The following DRG2 variants were observed in gnomAD, a reference collection of about 807,000 sequenced individuals.
DRG2 encodes developmentally regulated GTP binding protein 2.
Under a neutral mutation model 53.4 loss-of-function variants are expected in DRG2, and 36 were observed. The ratio of observed to expected loss-of-function variants is 0.67; its 90% CI spans 0.52 to 0.89. The LOEUF (loss-of-function observed/expected upper bound fraction) is 0.89. DRG2 is among the 40% of genes least tolerant of loss of function. The probability of loss-of-function intolerance (pLI) is 0.00; values close to 1 mark genes in which losing one functional copy is unlikely to be tolerated. For missense variants in DRG2, 342 were observed against 481.2 expected (o/e 0.71, Z 2.71); for synonymous variants, 167 against 192.1 (o/e 0.87, Z 1.08).
chr17:18,096,034 G>A (rs559871867), intron 2 of DRG2: 2 of 152,180 alleles, frequency 1.3e-5, no homozygotes, highest in African/African-American at 4.8e-5. Context: ...TTCAGTTGGG[G>A]TGTGTCCAAT....
At chr17:18,106,335 C>T (rs2045630397) in intron 11 of DRG2, 98 bp from the exon 12 acceptor site, 1 of 1,400,894 alleles carries the variant, frequency 7.1e-7, no homozygotes, top group South Asian at 1.2e-5. Context: ...GGAACTCCTG[C>T]CTCTTGGCCT....
At chr17:18,106,591 C>A in intron 12 of DRG2, 105 bp downstream of exon 12, 1 of 1,308,964 alleles carries the variant, frequency 7.6e-7, no homozygotes, top group Non-Finnish European at 1.1e-6. Context: ...TCCTGTCCTT[C>A]CTGTGGGGAT....
Position 18,107,274 on chromosome 17 carries a change from G to T in DRG2, c.*34G>T. 1.2e-6 allele frequency: 2 copies of T among 1,603,148 alleles called. No homozygotes were observed. Reference sequence around the variant, plus strand: ...GCCGGGCCTCCCGCCCACCTGCCTCGTCTCCCTGGGGAGGTGGTCCCACTG... The same window carrying T: ...GCCGGGCCTCCCGCCCACCTGCCTCTTCTCCCTGGGGAGGTGGTCCCACTG... On this transcript the variant is annotated 3_prime_UTR_variant, in exon 13 of 13. Coordinates refer to ENST00000225729, the MANE Select transcript of DRG2 (RefSeq NM_001388.5).
intron 1 of DRG2, 119 bp from the exon 2 acceptor site, chr17:18,093,694 C>A: frequency 8.4e-7 from 1 of 1,185,080 alleles, no homozygotes; most frequent in Non-Finnish European, 1.2e-6. Context: ...TTTTTTTTCT[C>A]CTGATCTCCT....
chr17:18,098,462 TCAGGA>T lies in DRG2; in HGVS notation c.315+108_315+112del. 9.5e-7 allele frequency: 1 copy of T among 1,051,674 alleles called. No individual in the cohort carries two copies. Among genetic ancestry groups the T allele is most frequent in the East Asian group, 2.5e-5 (1 of 40,606 alleles). 65.1% of individuals were successfully genotyped at this position (1,051,674 alleles called of 1,614,324 possible). A position where few individuals can be genotyped will look rare whatever the true frequency, so the allele number is the denominator to read the frequency against. On this transcript the variant is annotated intron_variant, in intron 3 of 12. Transcript: ENST00000225729. This position sits in a 1 kb window ranked among gnomAD's most constrained non-coding sequence, Gnocchi z 4.1. Reference sequence around the variant, plus strand: ...GTGAGTCTGGGTGGATGTCCCCATGTCAGGACAGGCTCTGGACTGAGCTGCTTTGC... The same window carrying T: ...GTGAGTCTGGGTGGATGTCCCCATGTCAGGCTCTGGACTGAGCTGCTTTGC...
Position 18,093,823 on chromosome 17 carries a change from T to C in DRG2, c.75T>C (p.Tyr25=). ...CTTTCCATCCTTTAGCCACTGAGTA[T>C]CATCTGGGCCTGCTGAAAGCTAAGC... ...ARTQKNKATE[Y]HLGLLKAKLA... is the part of the protein sequence containing the mutation. The change falls in exon 2 of 13, where the codon TAT becomes TAC. Residue 25 remains tyrosine (Y), a synonymous_variant. Coordinates refer to ENST00000225729, the MANE Select transcript of DRG2 (RefSeq NM_001388.5). The C allele has an allele frequency of 6.2e-7, 1 of 1,613,902 alleles. No homozygotes were observed. The highest frequency in any genetic ancestry group is 8.5e-7 in the Non-Finnish European group (1 of 1,179,888).
At position 18,104,699 on chromosome 17, in the gene DRG2, G is replaced by A; in HGVS notation, c.954+18G>A. 1 of 1,613,852 alleles carries A rather than the reference G, an allele frequency of 6.2e-7. No homozygotes were observed. Among genetic ancestry groups the A allele is most frequent in the Non-Finnish European group, 8.5e-7 (1 of 1,180,016 alleles). ...AGCACGTGGTGAGTTGACAAGACCT[G>A]CCGTGACAAGGGGTGGGAGCTCTGC... is the stretch of plus-strand genomic sequence containing the variant. On this transcript the variant is annotated intron_variant, in intron 11 of 12. Coordinates refer to ENST00000225729, the MANE Select transcript of DRG2 (RefSeq NM_001388.5).
rs913963429 is a variant in DRG2 at position 18,103,033 on chromosome 17, C to G, written c.807-768C>G. On this transcript the variant is annotated intron_variant, in intron 9 of 12. Coordinates refer to ENST00000225729, the MANE Select transcript of DRG2 (RefSeq NM_001388.5). The surrounding 1 kb of genome is among the most constrained non-coding windows in gnomAD (Gnocchi z 4.4). ...GCAAATGATGGATGAGGGTCCCGGCCTGAGCACAAGGACCATTTTGTGGTG... is the reference window on the plus strand; with the variant it reads ...GCAAATGATGGATGAGGGTCCCGGCGTGAGCACAAGGACCATTTTGTGGTG... Among the ~76,000 whole-genome samples, 20 of 152,302 alleles carry G rather than the reference C, an allele frequency of 1.3e-4. No homozygotes were observed. The highest frequency in any genetic ancestry group is 4.6e-4 in the African/African-American group (19 of 41,578).
Position 18,100,294 on chromosome 17 carries a change from C to T in DRG2, c.468-69C>T, listed in dbSNP as rs767546549. On this transcript the variant is annotated intron_variant, in intron 5 of 12. Transcript: ENST00000225729. This position sits in a 1 kb window ranked among gnomAD's most constrained non-coding sequence, Gnocchi z 4.1. ...TCTCTGGGTGGGCAGTGACATCCTG[C>T]GTAACAGGGAAGCTGTGCATCTGGC... 1.7e-4 allele frequency: 256 copies of T among 1,516,614 alleles called. No individual in the cohort carries two copies. Among genetic ancestry groups the T allele is most frequent in the Admixed American group, 2.3e-4 (14 of 59,782 alleles). 93.9% of individuals were successfully genotyped at this position (1,516,614 alleles called of 1,614,324 possible). A position where few individuals can be genotyped will look rare whatever the true frequency, so the allele number is the denominator to read the frequency against.
In DRG2 at chr17:18,099,566, G is replaced by A; in HGVS notation, c.377-67G>A. The A allele has an allele frequency of 1.3e-6, 2 of 1,518,928 alleles. No individual in the cohort carries two copies. The highest frequency in any genetic ancestry group is 1.4e-5 in the African/African-American group (1 of 72,762). 94.1% of individuals were successfully genotyped at this position (1,518,928 alleles called of 1,614,324 possible). On this transcript the variant is annotated intron_variant, in intron 4 of 12. Transcript: ENST00000225729. The surrounding 1 kb of genome is among the most constrained non-coding windows in gnomAD (Gnocchi z 4.4). ...AGGTCTGTAAAGGACAGGAGTCCAG[G>A]GCGCCGTGGGCTGGGTAGCAGTCAC...
intron 11 of DRG2, 127 bp from the exon 12 acceptor site, chr17:18,106,306 T>C (rs2045628963): frequency 4.0e-6 from 4 of 996,692 alleles, no homozygotes; most frequent in Admixed American, 3.5e-5. Context: ...AGGCCCAGAC[T>C]GTGTGGGCAC....
chr17:18,090,406 ATTTTTTTTTTT>A (rs1186716416), intron 1 of DRG2, among the ~76,000 whole-genome samples: 2 of 22,704 alleles, frequency 8.8e-5, no homozygotes, highest in East Asian at 2.4e-3. Flanking sequence ...ATATATATAT[ATTTTTTTTTTT>A]TTTTTTTTTT....
In DRG2 at chr17:18,103,325, T is replaced by C. The variant is rs1567605801; in HGVS notation, c.807-476T>C. 6.6e-6 allele frequency among the ~76,000 whole-genome samples: 1 copy of C among 152,008 alleles called. No homozygotes were observed. The highest frequency in any genetic ancestry group is 2.4e-5 in the African/African-American group (1 of 41,378). On this transcript the variant is annotated intron_variant, in intron 9 of 12. Transcript: ENST00000225729. The surrounding 1 kb of genome is among the most constrained non-coding windows in gnomAD (Gnocchi z 4.4). Reference sequence around the variant, plus strand: ...TTAATCCCTCTGCAGTCCTGCGAGGTAGGGACTGGGTTCATGCCTGTTCTA... The same window carrying C: ...TTAATCCCTCTGCAGTCCTGCGAGGCAGGGACTGGGTTCATGCCTGTTCTA...
intron 10 of DRG2, 35 bp from the exon 11 acceptor site, chr17:18,104,588 T>G (rs1457284082): frequency 6.2e-7 from 1 of 1,613,584 alleles, no homozygotes; most frequent in South Asian, 1.1e-5. Context: ...TGGGCCCTGA[T>G]GTGTGGCTGA....
chr17:18,106,615 T>C (rs1159682440), intron 12 of DRG2, 129 bp downstream of exon 12: 2 of 1,024,022 alleles, frequency 2.0e-6, no homozygotes, highest in Non-Finnish European at 3.0e-6. Flanking sequence ...CATGTCTGTG[T>C]GTCTGTCCTC....
chr17:18,101,828 G>C (rs1202253918), intron 8 of DRG2, 93 bp from the exon 9 acceptor site: 2 of 1,417,894 alleles, frequency 1.4e-6, no homozygotes, highest in Non-Finnish European at 1.9e-6. Context: ...AGCTCTCCAA[G>C]GAAGGGCTGC....
At chr17:18,088,420 G>T (rs1217331793) in intron 1 of DRG2, among the ~76,000 whole-genome samples, 1 of 152,226 alleles carries the variant, frequency 6.6e-6, no homozygotes, top group African/African-American at 2.4e-5. Flanking sequence ...TGGGCCTGGG[G>T]CCTGGGTCTA....
At position 18,099,453 on chromosome 17, in the gene DRG2, T is replaced by G. The variant is rs2045489002; in HGVS notation, c.377-180T>G. ...CTCCTTTTATGATGGTGGTGTCGGATTTTCTTCTGAAATAAGTCTCCGTCA... is the reference window on the plus strand; with the variant it reads ...CTCCTTTTATGATGGTGGTGTCGGAGTTTCTTCTGAAATAAGTCTCCGTCA... On this transcript the variant is annotated intron_variant, in intron 4 of 12. Transcript: ENST00000225729. The surrounding 1 kb of genome is among the most constrained non-coding windows in gnomAD (Gnocchi z 4.4). 1 of 693,266 alleles carries G rather than the reference T, an allele frequency of 1.4e-6. No homozygotes were observed. The highest frequency in any genetic ancestry group is 1.8e-5 in the African/African-American group (1 of 56,488). 42.9% of individuals were successfully genotyped at this position (693,266 alleles called of 1,614,324 possible). A position where few individuals can be genotyped will look rare whatever the true frequency, so the allele number is the denominator to read the frequency against.
In DRG2 at chr17:18,095,613, T is replaced by G. The variant is rs189029147; in HGVS notation, c.225+1640T>G. ...CAGGGTTTCACCATGTTGGCAAGGC[T>G]GGTTTTGAACTCCTGACCTCAGGTG... On this transcript the variant is annotated intron_variant, in intron 2 of 12. Transcript: ENST00000225729. The G allele has an allele frequency of 2.0e-5, 3 of 151,910 alleles. No homozygotes were observed. In the East Asian group the frequency reaches 5.9e-4, roughly 30 times the overall value. The allele number at this position is 151,910 out of a possible 1,614,324, so 9.4% of individuals were successfully genotyped here.
Sources: gnomAD v4.1 joint callset for allele counts (sites outside exome capture counted in the v4.1 genomes callset) on GRCh38, gnomAD v4.1.1 for gene constraint, Gnocchi (gnomAD v3.1) non-coding constraint, MANE v1.5 for transcripts, NCBI Gene and HGNC (gene_info 2026-07-23, HGNC 2026-07-21) for gene names.